PARP6: variants seen among roughly 807,000 people sequenced by gnomAD.
The protein encoded by PARP6 is poly(ADP-ribose) polymerase family member 6, also known as protein mono-ADP-ribosyltransferase PARP6.
PARP6 carries 27 observed loss-of-function variants against 92.0 expected under a neutral mutation model. The observed-to-expected ratio is 0.29, with a 90% confidence interval of 0.22 to 0.40. PARP6 has a LOEUF of 0.40. Ranked by LOEUF, PARP6 falls within the 10% of genes least tolerant of loss-of-function variation. The pLI is 1.00. For missense variants in PARP6, 501 were observed against 784.5 expected (o/e 0.64, Z 4.32); for synonymous variants, 272 against 281.2 (o/e 0.97, Z 0.33).
At chr15:72,250,821 CTG>C in intron 18 of PARP6, 22 bp downstream of exon 18, 1 of 1,291,360 alleles carries the variant, frequency 7.7e-7, no homozygotes, top group Non-Finnish European at 1.1e-6. Context: ...ACCACCCCCA[CTG>C]CCCAGCCCCC....
chr15:72,248,779 T>C (rs1271639824), intron 20 of PARP6, among the ~76,000 whole-genome samples: 7 of 152,234 alleles, frequency 4.6e-5, no homozygotes. Context: ...ACTAACATAA[T>C]AGTGTAAGAT....
intron 8 of PARP6, among the ~76,000 whole-genome samples, chr15:72,262,057 T>C (rs577474189): frequency 6.6e-6 from 1 of 152,202 alleles, no homozygotes; most frequent in South Asian, 2.1e-4. Context: ...AGGATGGAGG[T>C]GAGTACCACT....
intron 7 of PARP6, 141 bp downstream of exon 7, chr15:72,264,940 A>G: frequency 1.6e-6 from 1 of 634,004 alleles, no homozygotes; most frequent in Admixed American, 2.9e-5. Context: ...TACCAATTAC[A>G]GGGGACTAAA....
chr15:72,259,119 A>G (rs1212890048), intron 11 of PARP6, among the ~76,000 whole-genome samples: 1 of 152,222 alleles, frequency 6.6e-6, no homozygotes, highest in Non-Finnish European at 1.5e-5. Context: ...TTTATGGAAA[A>G]GGTGCCATCT....
intron 5 of PARP6, 102 bp from the exon 6 acceptor site, chr15:72,265,575 G>A: frequency 1.1e-6 from 1 of 909,838 alleles, no homozygotes; most frequent in Non-Finnish European, 1.8e-6. Context: ...AGGGGAAAGG[G>A]AAGAGTGGAT....
Position 72,265,131 on chromosome 15 carries a change from G to T in PARP6, c.278C>A (p.Pro93His). The T allele has an allele frequency of 1.9e-6, 3 of 1,613,654 alleles. No homozygotes were observed. Among genetic ancestry groups the T allele is most frequent in the Non-Finnish European group, 2.5e-6 (3 of 1,179,630 alleles). ...STAWKVLRTE[P>H]IVLRLRFSLS... is the part of the protein sequence containing the mutation. ...AGAAAATCGCAGCCTCAACACAATA[G>T]GTTCTGTCCGGAGGACCTTCCAGGC... is the stretch of plus-strand genomic sequence containing the variant. The change falls in exon 7 of 24, where the codon CCT becomes CAT. Residue 93 changes from proline (P) to histidine (H), a missense_variant. Transcript: ENST00000569795.
At chr15:72,259,214 TAAAG>T (rs2085524302) in intron 11 of PARP6, among the ~76,000 whole-genome samples, 1 of 152,110 alleles carries the variant, frequency 6.6e-6, no homozygotes, top group Non-Finnish European at 1.5e-5. Context: ...GCCCAGGGAA[TAAAG>T]AGATTTTAAA....
At position 72,265,121 on chromosome 15, in the gene PARP6, C is replaced by G; in HGVS notation, c.288G>C (p.Leu96Phe). The G allele has an allele frequency of 6.2e-7, 1 of 1,613,862 alleles. No individual in the cohort carries two copies. The highest frequency in any genetic ancestry group is 8.5e-7 in the Non-Finnish European group (1 of 1,179,802). Residue 96 changes from leucine (L) to phenylalanine (F), a missense_variant, in exon 7 of 24, where the codon TTG (leucine) becomes TTC (phenylalanine). Physicochemically the swap from Leu to Phe is conservative, Grantham distance 22. This residue lies in a region of PARP6 where 291 missense variants were observed against 352.0 expected (regional missense o/e 0.83). Coordinates refer to ENST00000569795, the MANE Select transcript of PARP6 (RefSeq NM_001323532.2). ...ACTGGGAGAGAGAAAATCGCAGCCT[C>G]AACACAATAGGTTCTGTCCGGAGGA... ...WKVLRTEPIV[L>F]RLRFSLSQYL... is the part of the protein sequence containing the mutation.
At chr15:72,266,643 C>CA (rs2086631863) in intron 4 of PARP6, 102 bp downstream of exon 4, 2 of 836,154 alleles carry the variant, frequency 2.4e-6, no homozygotes, top group Non-Finnish European at 4.1e-6. Flanking sequence ...ATTATAACCT[C>CA]ATCTCATCTG....
rs776640467 is a variant in PARP6 at position 72,260,463 on chromosome 15, C to T, written c.756+15G>A. 1.0e-5 allele frequency: 16 copies of T among 1,606,422 alleles called. No individual in the cohort carries two copies. The African/African-American group carries it at 2.1e-4, about 21-fold the overall frequency. The stretch of plus-strand genomic sequence containing the variant: ...CCTCCTGATAGCCAAGTCAAACCCT[C>T]CCCAGCCCATGTACCAAAGGAGAGG... On this transcript the variant is annotated intron_variant, in intron 10 of 23. Coordinates refer to ENST00000569795, the MANE Select transcript of PARP6 (RefSeq NM_001323532.2).
At chr15:72,271,876 T>G (rs1229666877) in intron 1 of PARP6, among the ~76,000 whole-genome samples, 2 of 152,196 alleles carry the variant, frequency 1.3e-5, no homozygotes, top group Non-Finnish European at 2.9e-5. Context: ...CAAATGTAAA[T>G]GAGCCTCAAG....
In PARP6 at chr15:72,241,281, GAGT is replaced by G. The variant is rs2083021014; in HGVS notation, c.*171_*173del. The G allele has an allele frequency of 1.4e-6, 1 of 696,636 alleles. No individual in the cohort carries two copies. The highest frequency in any genetic ancestry group is 2.6e-6 in the Non-Finnish European group (1 of 380,212). 43.2% of individuals were successfully genotyped at this position (696,636 alleles called of 1,614,324 possible). ...AGTCAGTCTGGGCCATCCGAATGTG[GAGT>G]AGTTCTTGGGTCAAGCTCTACCATG... On this transcript the variant is annotated 3_prime_UTR_variant, in exon 24 of 24. Coordinates refer to ENST00000569795, the MANE Select transcript of PARP6 (RefSeq NM_001323532.2). This position sits in a 1 kb window ranked among gnomAD's most constrained non-coding sequence, Gnocchi z 4.1.
intron 2 of PARP6, among the ~76,000 whole-genome samples, chr15:72,268,102 C>G (rs942724050): frequency 6.6e-4 from 101 of 152,306 alleles, no homozygotes; most frequent in African/African-American, 2.4e-3. Context: ...AAAAGACATG[C>G]TTGCGTGCAT....
At chr15:72,267,887 A>G (rs1169799977) in intron 2 of PARP6, among the ~76,000 whole-genome samples, 1 of 151,954 alleles carries the variant, frequency 6.6e-6, no homozygotes, top group Admixed American at 6.6e-5. Flanking sequence ...AAGTAGCTGG[A>G]ATTACAGGTG....
At chr15:72,257,320 T>TCCCC in intron 13 of PARP6, 28 bp downstream of exon 13, 1 of 1,527,848 alleles carries the variant, frequency 6.5e-7, no homozygotes. Context: ...TGATCCCAAT[T>TCCCC]CCCCAGCCAC....
Position 72,267,480 on chromosome 15 carries a change from G to T in PARP6, c.-3C>A. ...GGTGGGCAGTCAGTTCTCACCATTG[G>T]GTCAGTGGGTCACACACACTCTCAG... is the stretch of plus-strand genomic sequence containing the variant. On this transcript the variant is annotated 5_prime_UTR_variant, in exon 3 of 24. Coordinates refer to ENST00000569795, the MANE Select transcript of PARP6 (RefSeq NM_001323532.2). 6 of 1,613,856 alleles carry T rather than the reference G, an allele frequency of 3.7e-6. No homozygotes were observed. The highest frequency in any genetic ancestry group is 5.1e-6 in the Non-Finnish European group (6 of 1,179,816).
chr15:72,254,631 T>C (rs186342559), intron 14 of PARP6, 111 bp from the exon 15 acceptor site: 18 of 735,540 alleles, frequency 2.4e-5, no homozygotes, highest in Admixed American at 4.6e-5. Flanking sequence ...TAGGAAACAA[T>C]AGTATGTCAT....
intron 8 of PARP6, among the ~76,000 whole-genome samples, chr15:72,262,945 T>C (rs559354856): frequency 2.7e-4 from 41 of 152,242 alleles, no homozygotes; most frequent in Non-Finnish European, 5.7e-4. Flanking sequence ...ATTCACTGAC[T>C]GTAACTTCTT....
At chr15:72,251,166 A>C in intron 17 of PARP6, 41 bp downstream of exon 17, 1 of 1,386,428 alleles carries the variant, frequency 7.2e-7, no homozygotes, top group Non-Finnish European at 1.0e-6. Flanking sequence ...CCTGCCCCTC[A>C]CCAGAAATTT....
Sources: allele counts gnomAD v4.1 joint callset (sites outside exome capture counted in the v4.1 genomes callset), GRCh38; gene constraint gnomAD v4.1.1; regional missense constraint gnomAD v4.1.1; non-coding constraint Gnocchi (gnomAD v3.1); transcripts MANE v1.5; gene names NCBI Gene and HGNC (gene_info 2026-07-23, HGNC 2026-07-21).